Variants in RSBN1L observed in about 807,000 individuals in gnomAD.
The protein encoded by RSBN1L is round spermatid basic protein 1 like.
In RSBN1L, 30 loss-of-function variants were observed where a neutral mutation model predicts 67.7. That is an observed-to-expected ratio of 0.44 (90% CI 0.33 to 0.60). The LOEUF (loss-of-function observed/expected upper bound fraction) is 0.60. RSBN1L is among the 20% of genes least tolerant of loss of function. The pLI, the probability that RSBN1L is intolerant of heterozygous loss-of-function variation, is 0.02. For synonymous variants in RSBN1L, 433 were observed against 387.0 expected (o/e 1.12, Z -1.39); for missense variants, 992 against 1,031.7 (o/e 0.96, Z 0.53).
intron 4 of RSBN1L, among the ~76,000 whole-genome samples, chr7:77,766,688 G>A (rs1562808898): frequency 6.6e-6 from 1 of 152,024 alleles, no homozygotes; most frequent in Non-Finnish European, 1.5e-5. Context: ...CAGGGTCCAG[G>A]TAAGCTGTGG....
chr7:77,754,032 ACT>A (rs1223067017), intron 3 of RSBN1L, among the ~76,000 whole-genome samples: 1 of 151,946 alleles, frequency 6.6e-6, no homozygotes, highest in Non-Finnish European at 1.5e-5. Context: ...CTTTATAATA[ACT>A]CTTTCTATTG....
At chr7:77,715,387 G>C (rs1791032570) in intron 1 of RSBN1L, among the ~76,000 whole-genome samples, 1 of 152,132 alleles carries the variant, frequency 6.6e-6, no homozygotes, top group Admixed American at 6.5e-5. Context: ...CTGGAGTGTA[G>C]TGGTGTGATC....
intron 1 of RSBN1L, among the ~76,000 whole-genome samples, chr7:77,699,954 G>A (rs548446333): frequency 9.9e-4 from 151 of 152,062 alleles, no homozygotes; most frequent in Non-Finnish European, 2.0e-3. Context: ...TCGCCAACAC[G>A]CCTGGCTAAT....
intron 1 of RSBN1L, among the ~76,000 whole-genome samples, chr7:77,701,164 AAAAAAAC>A (rs1436933432): frequency 8.7e-6 from 1 of 114,320 alleles, no homozygotes; most frequent in African/African-American, 4.0e-5. Context: ...AAAAAAAAAA[AAAAAAAC>A]AACAACAACA....
chr7:77,726,410 T>G (rs1791203702), intron 1 of RSBN1L, among the ~76,000 whole-genome samples: 1 of 152,210 alleles, frequency 6.6e-6, no homozygotes, highest in Admixed American at 6.5e-5. Flanking sequence ...CAGTTAGGTA[T>G]TTTGTGGAAC....
chr7:77,738,442 A>G (rs1359080312), intron 2 of RSBN1L, among the ~76,000 whole-genome samples: 1 of 152,198 alleles, frequency 6.6e-6, no homozygotes, highest in Non-Finnish European at 1.5e-5. Flanking sequence ...GACTTCTGGG[A>G]TGTCCATGGA....
At chr7:77,703,984 G>A (rs570190606) in intron 1 of RSBN1L, among the ~76,000 whole-genome samples, 25 of 152,250 alleles carry the variant, frequency 1.6e-4, no homozygotes, top group African/African-American at 5.5e-4. Flanking sequence ...ATATACATCC[G>A]TTATAAAGGG....
intron 3 of RSBN1L, among the ~76,000 whole-genome samples, chr7:77,753,120 C>T (rs1416250298): frequency 6.6e-6 from 1 of 152,216 alleles, no homozygotes; most frequent in Non-Finnish European, 1.5e-5. Flanking sequence ...ATATTTTTCA[C>T]ATGTCTTGAT....
chr7:77,740,885 A>ATACACGTG (rs1791399649), intron 2 of RSBN1L, among the ~76,000 whole-genome samples: 1 of 150,700 alleles, frequency 6.6e-6, no homozygotes. Context: ...CTCTGACTCT[A>ATACACGTG]TACACGTGTG....
rs1261742885 is a variant in RSBN1L, at chr7:77,782,266, C to T, written c.*3098C>T. 2 of 151,968 alleles carry T rather than the reference C, an allele frequency of 1.3e-5. No individual in the cohort carries two copies. The highest frequency in any genetic ancestry group is 2.9e-5 in the Non-Finnish European group (2 of 67,986). 9.4% of individuals were successfully genotyped at this position (151,968 alleles called of 1,614,324 possible). On this transcript the variant is annotated 3_prime_UTR_variant, in exon 8 of 8. Coordinates refer to ENST00000334955, the MANE Select transcript of RSBN1L (RefSeq NM_198467.3). ...TTATTTCCAGTTTCTTGGACCAGAACAATAAAATACATAAGACATCGTTTC... is the reference window on the plus strand; with the variant it reads ...TTATTTCCAGTTTCTTGGACCAGAATAATAAAATACATAAGACATCGTTTC...
At chr7:77,723,944 A>AT (rs10718037) in intron 1 of RSBN1L, among the ~76,000 whole-genome samples, 86 of 149,290 alleles carry the variant, frequency 5.8e-4, no homozygotes, top group African/African-American at 1.0e-3. Flanking sequence ...CAAAAAAAAA[A>AT]TTTTTTTTTT....
At position 77,779,177 on chromosome 7, in the gene RSBN1L, A is replaced by G; in HGVS notation, c.*9A>G. ...ATGACATTTTGTGCTAAATTTGCAT[A>G]TACCATCTAAAATCCTTTTTTAAAA... On this transcript the variant is annotated 3_prime_UTR_variant, in exon 8 of 8. Transcript: ENST00000334955. 1 of 1,549,272 alleles carries G rather than the reference A, an allele frequency of 6.5e-7. No individual in the cohort carries two copies. Among genetic ancestry groups the G allele is most frequent in the East Asian group, 2.2e-5 (1 of 44,452 alleles).
At chr7:77,737,048 A>G (rs1184957398) in intron 2 of RSBN1L, among the ~76,000 whole-genome samples, 1 of 151,550 alleles carries the variant, frequency 6.6e-6, no homozygotes, top group East Asian at 1.9e-4. Context: ...TTACAGTTGC[A>G]TTCATTTGCT....
At chr7:77,741,138 C>T (rs752228891) in intron 2 of RSBN1L, among the ~76,000 whole-genome samples, 4 of 151,632 alleles carry the variant, frequency 2.6e-5, no homozygotes, top group African/African-American at 4.8e-5. Context: ...AGGCGTGCGC[C>T]ACCACGCCTG....
intron 2 of RSBN1L, among the ~76,000 whole-genome samples, chr7:77,746,973 C>T (rs1791492364): frequency 6.6e-6 from 1 of 152,174 alleles, no homozygotes; most frequent in Non-Finnish European, 1.5e-5. Context: ...AGGGTTCAGC[C>T]CCTGTGGCTG....
intron 1 of RSBN1L, among the ~76,000 whole-genome samples, chr7:77,723,829 G>C (rs1446937768): frequency 1.3e-5 from 2 of 152,278 alleles, no homozygotes; most frequent in East Asian, 3.9e-4. Context: ...AGCTACTCGG[G>C]TGGCCGAGGC....
chr7:77,748,694 G>T (rs1272701483), intron 2 of RSBN1L, among the ~76,000 whole-genome samples: 1 of 151,810 alleles, frequency 6.6e-6, no homozygotes, highest in Non-Finnish European at 1.5e-5. Flanking sequence ...TCTCTTGGGC[G>T]GGGTGGTCTC....
intron 2 of RSBN1L, among the ~76,000 whole-genome samples, chr7:77,737,836 G>A (rs552351475): frequency 1.3e-5 from 2 of 152,040 alleles, no homozygotes; most frequent in East Asian, 3.9e-4. Context: ...CAGCCTGGCC[G>A]ATGTGGTGAA....
At chr7:77,761,186 T>A (rs776029033) in intron 3 of RSBN1L, among the ~76,000 whole-genome samples, 3 of 152,232 alleles carry the variant, frequency 2.0e-5, no homozygotes, top group Non-Finnish European at 4.4e-5. Context: ...ATTTTCAGTA[T>A]TGGTTTGTCA....
Sources: gnomAD v4.1 joint callset for allele counts (sites outside exome capture counted in the v4.1 genomes callset) on GRCh38, gnomAD v4.1.1 for gene constraint, MANE v1.5 for transcripts, NCBI Gene and HGNC (gene_info 2026-07-23, HGNC 2026-07-21) for gene names.